Variants in LRMDA observed in about 807,000 individuals in gnomAD.
LRMDA encodes leucine rich melanocyte differentiation associated, also known as leucine-rich melanocyte differentiation-associated protein.
In LRMDA, 18 loss-of-function variants were observed where a neutral mutation model predicts 29.8. The ratio of observed to expected loss-of-function variants is 0.60; its 90% CI spans 0.42 to 0.90. LRMDA has a LOEUF of 0.90. LRMDA is among the 40% of genes least tolerant of loss of function. The probability of loss-of-function intolerance (pLI) is 0.00; values close to 1 mark genes in which losing one functional copy is unlikely to be tolerated. For missense variants in LRMDA, 273 were observed against 273.9 expected, an observed-to-expected ratio of 1.00 and a Z score of 0.02; for synonymous variants, 125 against 109.4, an observed-to-expected ratio of 1.14 and a Z score of -0.89.
chr10:76,025,084 G>A (rs1410926659), intron 2 of LRMDA, among the ~76,000 whole-genome samples: 1 of 151,982 alleles, frequency 6.6e-6, no homozygotes, highest in Non-Finnish European at 1.5e-5. Flanking sequence ...ACAAGATCCC[G>A]AGGCCACAGG....
chr10:76,148,658 C>A (rs1589350859), intron 5 of LRMDA, among the ~76,000 whole-genome samples: 1 of 152,258 alleles, frequency 6.6e-6, no homozygotes, highest in Admixed American at 6.5e-5. Context: ...GCGATGCCTT[C>A]CCCTGCTACT....
At chr10:76,302,662 C>A (rs942401640) in intron 5 of LRMDA, among the ~76,000 whole-genome samples, 1 of 152,020 alleles carries the variant, frequency 6.6e-6, no homozygotes, top group Non-Finnish European at 1.5e-5. Context: ...TTATGGCAAC[C>A]TAAGGATTTT....
chr10:76,418,552 T>G (rs1208648359), intron 6 of LRMDA, among the ~76,000 whole-genome samples: 1 of 151,988 alleles, frequency 6.6e-6, no homozygotes, highest in Non-Finnish European at 1.5e-5. Context: ...GAGTTTTTGG[T>G]TTTCTGTACA....
At chr10:75,721,860 T>G (rs533395975) in intron 2 of LRMDA, among the ~76,000 whole-genome samples, 1 of 152,346 alleles carries the variant, frequency 6.6e-6, no homozygotes, top group Non-Finnish European at 1.5e-5. Context: ...GATCCTTGCT[T>G]TTTGCATAGA....
chr10:75,644,491 A>C (rs144242028), intron 2 of LRMDA, among the ~76,000 whole-genome samples: 1 of 152,320 alleles, frequency 6.6e-6, no homozygotes, highest in East Asian at 1.9e-4. Context: ...AACTGAATCT[A>C]ATCACATTAT....
At chr10:75,584,202 A>G (rs1364510547) in intron 2 of LRMDA, among the ~76,000 whole-genome samples, 1 of 151,644 alleles carries the variant, frequency 6.6e-6, no homozygotes, top group East Asian at 1.9e-4. Context: ...TTTACTCATG[A>G]TGTTCCCTAG....
chr10:75,937,657 G>A (rs1029349791), intron 2 of LRMDA, among the ~76,000 whole-genome samples: 2 of 152,170 alleles, frequency 1.3e-5, no homozygotes, highest in African/African-American at 2.4e-5. Context: ...AAATGAGTGG[G>A]ATCTGGTATT....
intron 5 of LRMDA, among the ~76,000 whole-genome samples, chr10:76,086,611 G>C (rs1036675737): frequency 6.6e-6 from 1 of 152,180 alleles, no homozygotes; most frequent in Non-Finnish European, 1.5e-5. Context: ...TCCCTTCTCT[G>C]TGGCTACCAC....
rs554706990 is a variant in LRMDA at position 76,404,959 on chromosome 10, A to T, written c.601+80474A>T. Among the ~76,000 whole-genome samples the T allele has an allele frequency of 7.9e-5, 12 of 152,300 alleles. No homozygotes were observed. In the East Asian group the frequency reaches 2.1e-3, roughly 27 times the overall value. ...TGAAGGAAGGGTCCACAAGCCAAGA[A>T]ATGCAGGCAGCCTCTAGAAACTGGA... On this transcript the variant is annotated intron_variant, in intron 6 of 6. Coordinates refer to ENST00000611255, the MANE Select transcript of LRMDA (RefSeq NM_001305581.2).
intron 2 of LRMDA, among the ~76,000 whole-genome samples, chr10:75,748,554 G>A (rs1242784454): frequency 1.3e-5 from 2 of 152,118 alleles, no homozygotes; most frequent in Non-Finnish European, 2.9e-5. Context: ...TTTAGGGCCA[G>A]GCCCTGTGCT....
rs116292106 is a variant in LRMDA at position 75,989,928 on chromosome 10, G to A, written c.132-46080G>A. Among the ~76,000 whole-genome samples, 643 of 152,244 alleles carry A rather than the reference G, an allele frequency of 4.2e-3. 5 individuals carry two copies. The highest frequency in any genetic ancestry group is 0.015 in the African/African-American group (622 of 41,552). Reference sequence around the variant, plus strand: ...GAGACCTAGGTAAACGAGTGTCATGGTGAAATCCCCCCCGCTCCTGAGACC... The same window carrying A: ...GAGACCTAGGTAAACGAGTGTCATGATGAAATCCCCCCCGCTCCTGAGACC... On this transcript the variant is annotated intron_variant, in intron 2 of 6. Coordinates refer to ENST00000611255, the MANE Select transcript of LRMDA (RefSeq NM_001305581.2).
chr10:76,151,332 A>G (rs908681373), intron 5 of LRMDA, among the ~76,000 whole-genome samples: 1 of 152,136 alleles, frequency 6.6e-6, no homozygotes, highest in Non-Finnish European at 1.5e-5. Flanking sequence ...GGTCTCCCCG[A>G]CCACGTTTTC....
intron 2 of LRMDA, among the ~76,000 whole-genome samples, chr10:75,787,642 G>C (rs766782015): frequency 3.5e-4 from 54 of 152,208 alleles, no homozygotes; most frequent in Non-Finnish European, 6.8e-4. Context: ...TGTAAACAAT[G>C]CTGGAATAAA....
chr10:75,559,125 T>C (rs999683911), intron 2 of LRMDA, among the ~76,000 whole-genome samples: 1 of 152,032 alleles, frequency 6.6e-6, no homozygotes, highest in Non-Finnish European at 1.5e-5. Flanking sequence ...CCACAATGGT[T>C]GAACTAGTTT....
At chr10:76,464,928 G>A (rs1842549853) in intron 6 of LRMDA, 1 of 152,140 alleles carries the variant, frequency 6.6e-6, no homozygotes, top group African/African-American at 2.4e-5. Flanking sequence ...TTGATCTAAG[G>A]TAAGAGTAGC....
chr10:75,621,616 T>C (rs1196011772), intron 2 of LRMDA, among the ~76,000 whole-genome samples: 1 of 152,088 alleles, frequency 6.6e-6, no homozygotes, highest in Non-Finnish European at 1.5e-5. Context: ...CGTCTCCTGG[T>C]GGTGGAAACA....
At chr10:75,935,232 C>A (rs1039781528) in intron 2 of LRMDA, among the ~76,000 whole-genome samples, 5 of 152,198 alleles carry the variant, frequency 3.3e-5, no homozygotes, top group Non-Finnish European at 7.3e-5. Flanking sequence ...AAATTTAAAA[C>A]TGCCCAAGAT....
intron 2 of LRMDA, among the ~76,000 whole-genome samples, chr10:75,454,036 G>A (rs1844488097): frequency 6.6e-6 from 1 of 152,136 alleles, no homozygotes; most frequent in African/African-American, 2.4e-5. Flanking sequence ...TGGACAAAAG[G>A]GTATGATCTA....
intron 6 of LRMDA, among the ~76,000 whole-genome samples, chr10:76,405,707 A>T (rs1422691100): frequency 2.0e-5 from 3 of 152,196 alleles, no homozygotes; most frequent in Non-Finnish European, 4.4e-5. Flanking sequence ...AGACAATCAC[A>T]TTGTGGCCTT....
Sources: gnomAD v4.1 joint callset for allele counts (sites outside exome capture counted in the v4.1 genomes callset) on GRCh38, gnomAD v4.1.1 for gene constraint, MANE v1.5 for transcripts, NCBI Gene and HGNC (gene_info 2026-07-23, HGNC 2026-07-21) for gene names.